HMCN1: variants seen among roughly 807,000 people sequenced by gnomAD.
HMCN1 encodes hemicentin 1.
HMCN1 carries 321 observed loss-of-function variants against 625.9 expected under a neutral mutation model. The observed-to-expected ratio is 0.51, with a 90% CI of 0.47 to 0.56. HMCN1 has a LOEUF of 0.56. Ranked by LOEUF, HMCN1 falls within the 20% of genes least tolerant of loss-of-function variation. The pLI is 0.00. For synonymous variants in HMCN1, 2,425 were observed against 2,417.6 expected (o/e 1.00, Z -0.09); for missense variants, 6,588 against 6,887.3 (o/e 0.96, Z 1.54).
chr1:185,877,596 C>G (rs1479297793), intron 4 of HMCN1, among the ~76,000 whole-genome samples: 2 of 151,790 alleles, frequency 1.3e-5, no homozygotes, highest in Non-Finnish European at 2.9e-5. Context: ...AATCCACGAG[C>G]ACAGGATGAT....
At chr1:185,776,590 T>C (rs977168764) in intron 1 of HMCN1, among the ~76,000 whole-genome samples, 51 of 152,268 alleles carry the variant, frequency 3.3e-4, no homozygotes, top group Non-Finnish European at 1.3e-4. Context: ...TTCCTAAGGA[T>C]GAAGCTTACT....
chr1:186,167,488 C>T (rs1279109885), intron 100 of HMCN1, among the ~76,000 whole-genome samples: 2 of 152,186 alleles, frequency 1.3e-5, no homozygotes, highest in African/African-American at 4.8e-5. Flanking sequence ...TACACTGACA[C>T]ATCATTATCA....
At chr1:185,931,121 AG>A (rs1452677173) in intron 10 of HMCN1, among the ~76,000 whole-genome samples, 3 of 152,316 alleles carry the variant, frequency 2.0e-5, no homozygotes, top group African/African-American at 7.2e-5. Flanking sequence ...ACCCAGAGAA[AG>A]CAAGTGACCC....
chr1:186,041,118 AT>A lies in HMCN1; in HGVS notation c.6288del (p.Ile2096MetfsTer43). ...TGCTGCTGGAGAAAAGCAAAGGGAC[AT>A]TGACCTCCGAGTATATGGTGAGACA... ...VNAAGEKQRDIDLRVYVPPNI... is the reference protein window; with the variant it reads ...VNAAGEKQRDXDLRVYVPPNI... On this transcript the variant is annotated frameshift_variant, in exon 40 of 107. Transcript: ENST00000271588. LOFTEE classifies it high-confidence loss of function. 2 of 1,612,862 alleles carry A rather than the reference AT, an allele frequency of 1.2e-6. No individual in the cohort carries two copies. The highest frequency in any genetic ancestry group is 1.7e-6 in the Non-Finnish European group (2 of 1,179,076).
chr1:185,772,660 A>G (rs1461494893), intron 1 of HMCN1, among the ~76,000 whole-genome samples: 3 of 152,152 alleles, frequency 2.0e-5, no homozygotes, highest in African/African-American at 7.2e-5. Flanking sequence ...CTTACCCAAC[A>G]TTTATTTCTT....
intron 33 of HMCN1, among the ~76,000 whole-genome samples, 196 bp from the exon 34 acceptor site, chr1:186,017,987 A>G (rs1490985088): frequency 1.3e-5 from 2 of 151,974 alleles, no homozygotes; most frequent in Non-Finnish European, 2.9e-5. Flanking sequence ...CTCAACCCAT[A>G]ATTATTGGGT....
At chr1:185,782,159 G>C (rs1206783628) in intron 1 of HMCN1, among the ~76,000 whole-genome samples, 1 of 152,044 alleles carries the variant, frequency 6.6e-6, no homozygotes, top group Non-Finnish European at 1.5e-5. Flanking sequence ...TCAGAGACTA[G>C]GATTGCAACC....
At chr1:185,889,558 T>C (rs988738812) in intron 4 of HMCN1, among the ~76,000 whole-genome samples, 1 of 135,996 alleles carries the variant, frequency 7.4e-6, no homozygotes, top group Non-Finnish European at 1.5e-5. Flanking sequence ...TCTGCATCTA[T>C]TGAGATAATC....
rs189502409 is a variant in HMCN1 at position 185,846,126 on chromosome 1, G to C, written c.339+30G>C. 5 of 1,480,408 alleles carry C rather than the reference G, an allele frequency of 3.4e-6. No homozygotes were observed. The Admixed American group carries it at 8.4e-5, about 25-fold the overall frequency. The allele number at this position is 1,480,408 out of a possible 1,614,324, so 91.7% of individuals were successfully genotyped here. A position where few individuals can be genotyped will look rare whatever the true frequency, so the allele number is the denominator to read the frequency against. ...GTGCTTGCTTTCAGTGTTCTCTTGGGGGAATGGAAAATCATGAGCCTTTGG... is the reference window on the plus strand; with the variant it reads ...GTGCTTGCTTTCAGTGTTCTCTTGGCGGAATGGAAAATCATGAGCCTTTGG... On this transcript the variant is annotated intron_variant, in intron 2 of 106. Transcript: ENST00000271588.
chr1:186,000,331 T>C, intron 26 of HMCN1, 92 bp downstream of exon 26: 1 of 887,816 alleles, frequency 1.1e-6, no homozygotes. Context: ...TCATTTAATA[T>C]TAATGTGAAT....
At chr1:186,176,090 T>C (rs1361503028) in intron 103 of HMCN1, among the ~76,000 whole-genome samples, 1 of 152,164 alleles carries the variant, frequency 6.6e-6, no homozygotes, top group Non-Finnish European at 1.5e-5. Context: ...CATTCCCTTT[T>C]CCAATTTATA....
chr1:185,894,315 A>G (rs971514020), intron 4 of HMCN1, among the ~76,000 whole-genome samples: 1 of 152,212 alleles, frequency 6.6e-6, no homozygotes, highest in African/African-American at 2.4e-5. Flanking sequence ...ATCATTGCAT[A>G]TAGTTGTAGA....
At chr1:185,978,169 A>T in intron 16 of HMCN1, 188 bp downstream of exon 16, 1 of 552,864 alleles carries the variant, frequency 1.8e-6, no homozygotes, top group Middle Eastern at 4.9e-4. Flanking sequence ...GTTATATTTT[A>T]TTCAAATGTA....
At chr1:185,885,919 G>C (rs1664616294) in intron 4 of HMCN1, among the ~76,000 whole-genome samples, 1 of 151,936 alleles carries the variant, frequency 6.6e-6, no homozygotes, top group East Asian at 1.9e-4. Context: ...GCATGTATAT[G>C]ATACCAAATT....
rs1257661983 is a variant in HMCN1, at chr1:186,079,139, ATCAGCAG to A, written c.8599+920_8599+926del. 9.2e-4 allele frequency among the ~76,000 whole-genome samples: 136 copies of A among 148,506 alleles called. 1 individual carries two copies. Among genetic ancestry groups the A allele is most frequent in the East Asian group, 1.9e-3 (10 of 5,140 alleles). On this transcript the variant is annotated intron_variant, in intron 55 of 106. Transcript: ENST00000271588. ...CAGCTCTCTCATCAGCAGCTCTCTC[ATCAGCAG>A]CTCTCTCACACTAGCTCTCTTACAC...
At chr1:185,829,077 A>G (rs1440515944) in intron 1 of HMCN1, among the ~76,000 whole-genome samples, 1 of 152,226 alleles carries the variant, frequency 6.6e-6, no homozygotes, top group East Asian at 1.9e-4. Flanking sequence ...AAAAAGGATC[A>G]TAGGGAAACT....
intron 1 of HMCN1, among the ~76,000 whole-genome samples, chr1:185,822,725 C>T (rs1660266735): frequency 6.6e-6 from 1 of 151,962 alleles, no homozygotes; most frequent in Non-Finnish European, 1.5e-5. Flanking sequence ...GTTAATGCAT[C>T]CAAAGTAAGT....
chr1:185,822,113 G>A (rs1485121598), intron 1 of HMCN1, among the ~76,000 whole-genome samples: 2 of 152,142 alleles, frequency 1.3e-5, no homozygotes, highest in Non-Finnish European at 2.9e-5. Context: ...TACTCCATGT[G>A]GTAATATAAT....
At chr1:185,954,767 A>T (rs1449546146) in intron 11 of HMCN1, among the ~76,000 whole-genome samples, 1 of 152,082 alleles carries the variant, frequency 6.6e-6, no homozygotes, top group Non-Finnish European at 1.5e-5. Flanking sequence ...ATCATACCTT[A>T]CTTCTCTCTC....
Sources: gnomAD v4.1 joint callset for allele counts (sites outside exome capture counted in the v4.1 genomes callset) on GRCh38, gnomAD v4.1.1 for gene constraint, MANE v1.5 for transcripts, NCBI Gene and HGNC (gene_info 2026-07-23, HGNC 2026-07-21) for gene names.